Variants in TRPM3 observed in about 807,000 individuals in gnomAD.
TRPM3 encodes the protein long transient receptor potential channel 3.
TRPM3 carries 77 observed loss-of-function variants against 181.2 expected under a neutral mutation model. The observed-to-expected ratio is 0.42, with a 90% CI of 0.35 to 0.51. TRPM3 has a LOEUF of 0.51. Among genes scored for constraint, TRPM3 ranks in the 20% least tolerant of loss-of-function variants. The pLI, the probability that TRPM3 is intolerant of heterozygous loss-of-function variation, is 0.01. For missense variants in TRPM3, 1,759 were observed against 2,196.7 expected (o/e 0.80, Z 3.98); for synonymous variants, 745 against 796.4 (o/e 0.94, Z 1.09).
chr9:71,072,617 T>G (rs1016877847), intron 1 of TRPM3, among the ~76,000 whole-genome samples: 24 of 152,318 alleles, frequency 1.6e-4, no homozygotes, highest in Non-Finnish European at 2.1e-4. Flanking sequence ...CCAACCCGTC[T>G]GACTCCAGAG....
At chr9:71,213,924 C>A (rs748971180) in intron 1 of TRPM3, among the ~76,000 whole-genome samples, 1 of 152,138 alleles carries the variant, frequency 6.6e-6, no homozygotes, top group Non-Finnish European at 1.5e-5. Context: ...GAGCTTGGTG[C>A]AGATTTATAT....
At chr9:71,192,031 A>G (rs1346692916) in intron 1 of TRPM3, among the ~76,000 whole-genome samples, 1 of 151,866 alleles carries the variant, frequency 6.6e-6, no homozygotes, top group Non-Finnish European at 1.5e-5. Flanking sequence ...CTAAAGGAAG[A>G]AAAATTTATA....
At chr9:70,700,180 A>G (rs556861426) in intron 8 of TRPM3, among the ~76,000 whole-genome samples, 4 of 152,234 alleles carry the variant, frequency 2.6e-5, no homozygotes, top group Non-Finnish European at 4.4e-5. Flanking sequence ...AAGGGCTTTC[A>G]CTATGTTGGC....
chr9:70,811,827 G>C (rs718445), intron 6 of TRPM3, among the ~76,000 whole-genome samples: 4,378 of 152,172 alleles, frequency 0.029, 89 homozygotes, highest in Middle Eastern at 0.058. Context: ...AAGAGGAATT[G>C]AAACAAAGCT....
chr9:71,174,991 G>C (rs538443250), intron 1 of TRPM3, among the ~76,000 whole-genome samples: 2 of 152,246 alleles, frequency 1.3e-5, no homozygotes, highest in East Asian at 1.9e-4. Flanking sequence ...CCTTCCCACA[G>C]TTATAAGGAC....
At chr9:71,346,182 G>T (rs2132636330) in intron 1 of TRPM3, among the ~76,000 whole-genome samples, 1 of 152,232 alleles carries the variant, frequency 6.6e-6, no homozygotes, top group Middle Eastern at 3.4e-3. Context: ...ACAATGGAAT[G>T]CCACTCAACA....
intron 1 of TRPM3, among the ~76,000 whole-genome samples, chr9:71,187,801 C>T (rs1387036747): frequency 6.6e-6 from 1 of 151,630 alleles, no homozygotes; most frequent in Non-Finnish European, 1.5e-5. Context: ...TATATATGAA[C>T]ATAGTTTTCA....
chr9:71,020,880 T>C (rs1173554749), intron 1 of TRPM3, among the ~76,000 whole-genome samples: 1 of 152,216 alleles, frequency 6.6e-6, no homozygotes, highest in Admixed American at 6.5e-5. Flanking sequence ...ACTTCTAGCA[T>C]ATGCCCAATG....
At chr9:70,648,185 A>G (rs1001536926) in intron 9 of TRPM3, among the ~76,000 whole-genome samples, 4 of 152,218 alleles carry the variant, frequency 2.6e-5, no homozygotes, top group African/African-American at 9.6e-5. Flanking sequence ...ATGGAATTAG[A>G]AAAAACTGGC....
chr9:70,636,425 G>A (rs772095068), intron 11 of TRPM3, among the ~76,000 whole-genome samples: 5 of 152,130 alleles, frequency 3.3e-5, no homozygotes, highest in African/African-American at 4.8e-5. Flanking sequence ...TAAAAAAGAC[G>A]GATGTTTGTT....
chr9:70,694,288 C>CA (rs922956397), intron 8 of TRPM3, among the ~76,000 whole-genome samples: 11 of 151,396 alleles, frequency 7.3e-5, no homozygotes, highest in Non-Finnish European at 1.5e-4. Flanking sequence ...TTACCATCTG[C>CA]AAAAAAAATA....
At chr9:70,780,890 C>T (rs1055747763) in intron 7 of TRPM3, among the ~76,000 whole-genome samples, 1 of 151,856 alleles carries the variant, frequency 6.6e-6, no homozygotes, top group Non-Finnish European at 1.5e-5. Context: ...TTCTTTACCT[C>T]TGCACTAGTT....
At chr9:70,688,645 G>A (rs2067642006) in intron 8 of TRPM3, among the ~76,000 whole-genome samples, 1 of 152,172 alleles carries the variant, frequency 6.6e-6, no homozygotes, top group African/African-American at 2.4e-5. Flanking sequence ...TAGCTGGGCT[G>A]AGCATCTTGC....
intron 1 of TRPM3, among the ~76,000 whole-genome samples, chr9:71,217,567 T>A (rs1343196061): frequency 6.6e-6 from 1 of 152,164 alleles, no homozygotes; most frequent in African/African-American, 2.4e-5. Flanking sequence ...AATAAAAATG[T>A]GTGCTGATTA....
At chr9:71,351,841 G>A (rs939711473) in intron 1 of TRPM3, among the ~76,000 whole-genome samples, 2 of 151,064 alleles carry the variant, frequency 1.3e-5, no homozygotes, top group Non-Finnish European at 2.9e-5. Context: ...AGAGAGTAAA[G>A]GAAATGGGAA....
chr9:70,781,326 T>TAAAAAAAAAAAAAAAAAAAAAAAAAAAA (rs35173071), intron 7 of TRPM3, among the ~76,000 whole-genome samples: 18 of 106,114 alleles, frequency 1.7e-4, no homozygotes, highest in South Asian at 3.6e-4. Context: ...TTCCATTTCA[T>TAAAAAAAAAAAAAAAAAAAAAAAAAAAA]AAAAAAAAAA....
chr9:70,610,542 T>C (rs1207404903), intron 19 of TRPM3, 67 bp downstream of exon 19: 5 of 1,561,256 alleles, frequency 3.2e-6, no homozygotes, highest in Non-Finnish European at 2.6e-6. Flanking sequence ...ACCACACAGA[T>C]GCATGAGAAA....
chr9:70,592,968 G>A (rs570716432), intron 21 of TRPM3, among the ~76,000 whole-genome samples: 2 of 152,190 alleles, frequency 1.3e-5, no homozygotes, highest in African/African-American at 4.8e-5. Flanking sequence ...CTGAACTTGT[G>A]AGCCACCCGC....
At position 70,810,001 on chromosome 9, in the gene TRPM3, T is replaced by C. The variant is rs769055822; in HGVS notation, c.973+17846A>G. On this transcript the variant is annotated intron_variant, in intron 6 of 25. Coordinates refer to ENST00000677713, the MANE Select transcript of TRPM3 (RefSeq NM_001366145.2). ...CCAGTGATGACAATTGAACGTCCCT[T>C]TGCCTTCCCAGCCTCCTTCATATAT... The C allele has an allele frequency of 4.3e-5, 23 of 534,562 alleles. No homozygotes were observed. The highest frequency in any genetic ancestry group is 8.8e-5 in the Non-Finnish European group (23 of 260,078). 33.1% of individuals were successfully genotyped at this position (534,562 alleles called of 1,614,324 possible).
Sources: allele counts gnomAD v4.1 joint callset (sites outside exome capture counted in the v4.1 genomes callset), GRCh38; gene constraint gnomAD v4.1.1; transcripts MANE v1.5; gene names NCBI Gene and HGNC (gene_info 2026-07-23, HGNC 2026-07-21).